Variants in RFTN1 observed in about 807,000 individuals in gnomAD.
RFTN1 encodes raftlin.
A neutral mutation model predicts 46.5 loss-of-function variants in RFTN1; 26 were observed. That is an observed-to-expected ratio of 0.56 (90% CI 0.41 to 0.78). The LOEUF (loss-of-function observed/expected upper bound fraction) is 0.78. Among genes scored for constraint, RFTN1 ranks in the 30% least tolerant of loss-of-function variants. RFTN1 has a pLI of 0.00. For synonymous variants in RFTN1, 261 were observed against 284.2 expected, an observed-to-expected ratio of 0.92 and a Z score of 0.82; for missense variants, 693 against 718.7, an observed-to-expected ratio of 0.96 and a Z score of 0.41.
chr3:16,330,450 C>T (rs1027758888), intron 7 of RFTN1, among the ~76,000 whole-genome samples: 1 of 152,284 alleles, frequency 6.6e-6, no homozygotes, highest in African/African-American at 2.4e-5. Flanking sequence ...GAAACATATC[C>T]GGATGGAAGG....
chr3:16,398,244 CAAAA>C (rs202032095), intron 4 of RFTN1, among the ~76,000 whole-genome samples: 262 of 110,552 alleles, frequency 2.4e-3, no homozygotes, highest in African/African-American at 7.0e-3. Context: ...AAGACTGTCT[CAAAA>C]AAAAAAAAAA....
In RFTN1 at chr3:16,316,314, TGTCAAAGCAGAAGA is replaced by T. The variant is rs2125147660; in HGVS notation, c.*500_*513del. 1 of 161,402 alleles carries T rather than the reference TGTCAAAGCAGAAGA, an allele frequency of 6.2e-6. No individual in the cohort carries two copies. The highest frequency in any genetic ancestry group is 2.4e-5 in the African/African-American group (1 of 41,640). 10.0% of individuals were successfully genotyped at this position (161,402 alleles called of 1,614,324 possible). A position where few individuals can be genotyped will look rare whatever the true frequency, so the allele number is the denominator to read the frequency against. On this transcript the variant is annotated 3_prime_UTR_variant, in exon 10 of 10. Transcript: ENST00000334133. This position sits in a 1 kb window ranked among gnomAD's most constrained non-coding sequence, Gnocchi z 4.5. ...CTCCCCTCCCCAATGTCATTTTCTT[TGTCAAAGCAGAAGA>T]GTCGAAGGGGTTTAGGTGGAGGAGG...
intron 2 of RFTN1, among the ~76,000 whole-genome samples, chr3:16,478,682 G>T (rs2076320204): frequency 6.6e-6 from 1 of 152,146 alleles, no homozygotes; most frequent in African/African-American, 2.4e-5. Flanking sequence ...TCATCTCAAG[G>T]CTCCACTGGG....
At chr3:16,497,500 A>G (rs1455552273) in intron 1 of RFTN1, among the ~76,000 whole-genome samples, 2 of 152,308 alleles carry the variant, frequency 1.3e-5, no homozygotes, top group Admixed American at 6.5e-5. Context: ...GGTTCTCCCT[A>G]CTGGGCCCTG....
At chr3:16,343,390 C>T (rs2071435826) in intron 7 of RFTN1, among the ~76,000 whole-genome samples, 1 of 152,208 alleles carries the variant, frequency 6.6e-6, no homozygotes, top group Admixed American at 6.5e-5. Flanking sequence ...CTTCCTTCCT[C>T]ATAAGTCAGC....
intron 3 of RFTN1, among the ~76,000 whole-genome samples, chr3:16,432,226 A>T (rs955956169): frequency 1.3e-5 from 2 of 152,194 alleles, no homozygotes; most frequent in Non-Finnish European, 2.9e-5. Flanking sequence ...ACCTAAAGGA[A>T]CCAATAATGG....
chr3:16,368,941 T>C (rs1266846418), intron 6 of RFTN1, among the ~76,000 whole-genome samples: 5 of 152,224 alleles, frequency 3.3e-5, no homozygotes, highest in African/African-American at 1.2e-4. Flanking sequence ...GCTCTGGATG[T>C]ATTCTTAACA....
At chr3:16,357,295 T>C (rs1249548790) in intron 7 of RFTN1, among the ~76,000 whole-genome samples, 2 of 152,188 alleles carry the variant, frequency 1.3e-5, no homozygotes, top group East Asian at 3.9e-4. Flanking sequence ...CTAGTGAATC[T>C]TGGAAGTAAA....
Position 16,457,792 on chromosome 3 carries a change from C to A in RFTN1, c.146-23755G>T, listed in dbSNP as rs1283089928. On this transcript the variant is annotated intron_variant, in intron 2 of 9. Coordinates refer to ENST00000334133, the MANE Select transcript of RFTN1 (RefSeq NM_015150.2). This position sits in a 1 kb window ranked among gnomAD's most constrained non-coding sequence, Gnocchi z 4.2. ...TGGCTGTGGTCTGAATGTGTCTCCC[C>A]CAAATTTATGTGTTGGAAACTTAAT... 6.6e-6 allele frequency among the ~76,000 whole-genome samples: 1 copy of A among 152,088 alleles called. No homozygotes were observed. The highest frequency in any genetic ancestry group is 1.9e-4 in the East Asian group (1 of 5,190).
chr3:16,486,762 C>T (rs891946497), intron 2 of RFTN1, among the ~76,000 whole-genome samples: 1 of 152,204 alleles, frequency 6.6e-6, no homozygotes, highest in Non-Finnish European at 1.5e-5. Context: ...AGTAAAATAC[C>T]AATCTATAGT....
At position 16,334,030 on chromosome 3, in the gene RFTN1, T is replaced by A. The variant is rs759153460; in HGVS notation, c.1147-7154A>T. Among the ~76,000 whole-genome samples the A allele has an allele frequency of 2.6e-4, 39 of 152,252 alleles. 1 individual carries two copies. In the South Asian group the frequency reaches 3.9e-3, roughly 15 times the overall value. On this transcript the variant is annotated intron_variant, in intron 7 of 9. Coordinates refer to ENST00000334133, the MANE Select transcript of RFTN1 (RefSeq NM_015150.2). The surrounding 1 kb of genome is among the most constrained non-coding windows in gnomAD (Gnocchi z 4.3). ...AATTTAAAAAATTAGCCGGGCATGG[T>A]GGCGGGTGCCTGTAGTCCCAGCTAC... is the stretch of plus-strand genomic sequence containing the variant.
At position 16,397,297 on chromosome 3, in the gene RFTN1, AG is replaced by A. The variant is rs1575218858; in HGVS notation, c.441+12077del. 2.6e-5 allele frequency among the ~76,000 whole-genome samples: 4 copies of A among 152,214 alleles called. No individual in the cohort carries two copies. In the East Asian group the frequency reaches 7.7e-4, roughly 29 times the overall value. On this transcript the variant is annotated intron_variant, in intron 4 of 9. Transcript: ENST00000334133. ...TCACTTATATGTGGAATCAAAAAAA[AG>A]AAAATATCAAATACATAGAAACAAT...
In RFTN1 at chr3:16,465,507, T is replaced by C. The variant is rs1007403905; in HGVS notation, c.145+28218A>G. ...TTTAAAAATCCAAAATCCAATACAG[T>C]TCGAAACTTAACAATAATTTAAAAG... On this transcript the variant is annotated intron_variant, in intron 2 of 9. Transcript: ENST00000334133. This position sits in a 1 kb window ranked among gnomAD's most constrained non-coding sequence, Gnocchi z 5.1. 6.6e-6 allele frequency among the ~76,000 whole-genome samples: 1 copy of C among 150,930 alleles called. No individual in the cohort carries two copies. The highest frequency in any genetic ancestry group is 2.4e-5 in the African/African-American group (1 of 40,912).
Position 16,440,345 on chromosome 3 carries a change from C to T in RFTN1, c.146-6308G>A, listed in dbSNP as rs1298245599. Reference sequence around the variant, plus strand: ...TCAGCCCCCTGAGTAGCTGGGACTACAGGTGTGCACCAACATGCTCAGCTA... The same window carrying T: ...TCAGCCCCCTGAGTAGCTGGGACTATAGGTGTGCACCAACATGCTCAGCTA... On this transcript the variant is annotated intron_variant, in intron 2 of 9. Transcript: ENST00000334133. The surrounding 1 kb of genome is among the most constrained non-coding windows in gnomAD (Gnocchi z 4.6). 6.6e-6 allele frequency among the ~76,000 whole-genome samples: 1 copy of T among 152,214 alleles called. No individual in the cohort carries two copies. The highest frequency in any genetic ancestry group is 6.5e-5 in the Admixed American group (1 of 15,288).
At chr3:16,505,600 G>T (rs571405598) in intron 1 of RFTN1, among the ~76,000 whole-genome samples, 1 of 152,304 alleles carries the variant, frequency 6.6e-6, no homozygotes, top group East Asian at 1.9e-4. Context: ...ATCCAAAGGC[G>T]GTCTGGAGTC....
rs570874343 is a variant in RFTN1 at position 16,364,371 on chromosome 3, C to CAA, written c.1030+5703_1030+5704dup. 1.8e-3 allele frequency among the ~76,000 whole-genome samples: 278 copies of CAA among 152,298 alleles called. 4 individuals are homozygous for CAA. The highest frequency in any genetic ancestry group is 4.1e-4 in the Non-Finnish European group (28 of 68,018). On this transcript the variant is annotated intron_variant, in intron 6 of 9. Coordinates refer to ENST00000334133, the MANE Select transcript of RFTN1 (RefSeq NM_015150.2). ...CCATGTTCATGTGGAGTTCAAGGGCCAAGCCAGATCTGAAATGTGATTTGT... is the reference window on the plus strand; with the variant it reads ...CCATGTTCATGTGGAGTTCAAGGGCCAAAAGCCAGATCTGAAATGTGATTTGT...
intron 1 of RFTN1, among the ~76,000 whole-genome samples, chr3:16,494,970 T>C (rs188374452): frequency 6.6e-6 from 1 of 152,256 alleles, no homozygotes; most frequent in Admixed American, 6.5e-5. Flanking sequence ...CTAAGGCAAT[T>C]TGGCAAGCTC....
intron 4 of RFTN1, among the ~76,000 whole-genome samples, chr3:16,391,145 C>A (rs555678594): frequency 6.6e-6 from 1 of 152,222 alleles, no homozygotes; most frequent in Non-Finnish European, 1.5e-5. Flanking sequence ...TCCCTAACAT[C>A]TACACTACGA....
intron 6 of RFTN1, among the ~76,000 whole-genome samples, chr3:16,365,211 G>C (rs2073085566): frequency 6.6e-6 from 1 of 152,154 alleles, no homozygotes; most frequent in Admixed American, 6.5e-5. Context: ...GAAACACCTG[G>C]TACTACTTCA....
Sources: allele counts gnomAD v4.1 joint callset (sites outside exome capture counted in the v4.1 genomes callset), GRCh38; gene constraint gnomAD v4.1.1; non-coding constraint Gnocchi (gnomAD v3.1); transcripts MANE v1.5; gene names NCBI Gene and HGNC (gene_info 2026-07-23, HGNC 2026-07-21).